Variants in GSTT2B observed in about 807,000 individuals in gnomAD.
GSTT2B encodes the protein glutathione S-transferase theta-2B.
GSTT2B carries 4 observed loss-of-function variants against 16.6 expected under a neutral mutation model. The ratio of observed to expected loss-of-function variants is 0.24; its 90% CI spans 0.12 to 0.55. GSTT2B has a LOEUF of 0.55. Ranked by LOEUF, GSTT2B falls within the 20% of genes least tolerant of loss-of-function variation. GSTT2B has a pLI of 0.94. For synonymous variants in GSTT2B, 9 were observed against 110.9 expected (o/e 0.08, Z 5.77); for missense variants, 27 against 266.1 (o/e 0.10, Z 6.25).
intron 1 of GSTT2B, 40 bp from the exon 2 acceptor site, chr22:23,960,421 A>G (rs1202840928): frequency 1.3e-6 from 2 of 1,560,632 alleles, no homozygotes; most frequent in Non-Finnish European, 1.8e-6. Flanking sequence ...CAGAATAAAA[A>G]CGCTGCACCT....
chr22:23,960,224 C>G (rs1177572031), intron 2 of GSTT2B, 70 bp downstream of exon 2: 1 of 1,575,452 alleles, frequency 6.3e-7, no homozygotes, highest in Non-Finnish European at 8.7e-7. Flanking sequence ...CCACTGGGGC[C>G]CGGGGCCAGT....
chr22:23,959,993 A>G (rs1365434208), intron 2 of GSTT2B, among the ~76,000 whole-genome samples: 2 of 133,446 alleles, frequency 1.5e-5, no homozygotes, highest in Non-Finnish European at 3.3e-5. Context: ...CCTCCAGAGT[A>G]GCTGGGACTA....
At chr22:23,960,081 G>A (rs2033821373) in intron 2 of GSTT2B, among the ~76,000 whole-genome samples, 2 of 149,222 alleles carry the variant, frequency 1.3e-5, no homozygotes, top group South Asian at 2.2e-4. Context: ...TAGCCAGGAT[G>A]GTCTCGGTCT....
chr22:23,960,351 A>T lies in GSTT2B; in HGVS notation c.143T>A (p.Ile48Asn). The change falls in exon 2 of 5, where the codon ATC (isoleucine) becomes AAC (asparagine). Residue 48 changes from isoleucine (I) to asparagine (N), a missense_variant. By Grantham distance (149) the Ile-to-Asn change is moderately radical. Transcript: ENST00000290765. ...GQHKSKEFLQ[I>N]NSLGKLPTLK... is the part of the protein sequence containing the mutation. The stretch of plus-strand genomic sequence containing the variant: ...CGTCGGCAGTTTCCCCAGGCTGTTG[A>T]TCTGCAAGAACTCCTTGCTCTTGTG... 6.2e-7 allele frequency: 1 copy of T among 1,611,818 alleles called. No homozygotes were observed. Among genetic ancestry groups the T allele is most frequent in the Non-Finnish European group, 8.5e-7 (1 of 1,178,818 alleles).
chr22:23,959,650 T>A (rs1382262478), intron 2 of GSTT2B, among the ~76,000 whole-genome samples: 2 of 101,678 alleles, frequency 2.0e-5, no homozygotes, highest in Admixed American at 1.0e-4. Context: ...CTATCTCTGC[T>A]CATTGCAAGC....
intron 2 of GSTT2B, among the ~76,000 whole-genome samples, chr22:23,960,020 C>T (rs532132358): frequency 2.1e-5 from 3 of 141,680 alleles, no homozygotes; most frequent in East Asian, 2.1e-4. Flanking sequence ...CCCGCCACCA[C>T]GCCCGGTTAA....
chr22:23,959,813 G>A (rs1409243351), intron 2 of GSTT2B, among the ~76,000 whole-genome samples: 3 of 93,260 alleles, frequency 3.2e-5, no homozygotes, highest in African/African-American at 7.0e-5. Context: ...TCCTGACCTC[G>A]TGATCCGCCC....
intron 2 of GSTT2B, 28 bp downstream of exon 2, chr22:23,960,266 G>A (rs1210893075): frequency 6.2e-7 from 1 of 1,611,322 alleles, no homozygotes; most frequent in Non-Finnish European, 8.5e-7. Context: ...GGCTCCGGAT[G>A]CGGTGAGGGG....
chr22:23,960,156 C>G lies in GSTT2B; in HGVS notation c.200+138G>C, dbSNP rs1322075127. ...CCGGGATGACAGGCGTGAGCCACCG[C>G]GCCCGGCCAGATCCCTCGCCTTTCC... On this transcript the variant is annotated intron_variant, in intron 2 of 4. Coordinates refer to ENST00000290765, the MANE Select transcript of GSTT2B (RefSeq NM_001080843.4). The G allele has an allele frequency of 2.9e-5, 27 of 926,520 alleles. No homozygotes were observed. In the African/African-American group the frequency reaches 3.3e-4, roughly 11 times the overall value. 57.4% of individuals were successfully genotyped at this position (926,520 alleles called of 1,614,324 possible).
intron 2 of GSTT2B, among the ~76,000 whole-genome samples, 183 bp downstream of exon 2, chr22:23,960,111 C>T (rs1392911159): frequency 1.4e-4 from 21 of 149,238 alleles, no homozygotes; most frequent in Admixed American, 6.7e-4. Flanking sequence ...GTGATCCGCC[C>T]GCCTTGGCCT....
Position 23,960,274 on chromosome 22 carries a change from G to T in GSTT2B, c.200+20C>A. On this transcript the variant is annotated intron_variant, in intron 2 of 4. Coordinates refer to ENST00000290765, the MANE Select transcript of GSTT2B (RefSeq NM_001080843.4). ...TCACATGGGCTCCGGATGCGGTGAG[G>T]GGTGAGGGAAGGAGGGCACCTTTCG... The T allele has an allele frequency of 6.2e-7, 1 of 1,612,242 alleles. No individual in the cohort carries two copies. The highest frequency in any genetic ancestry group is 8.5e-7 in the Non-Finnish European group (1 of 1,178,586).
chr22:23,959,778 C>T (rs1367652958), intron 2 of GSTT2B, among the ~76,000 whole-genome samples: 1 of 94,726 alleles, frequency 1.1e-5, no homozygotes, highest in Non-Finnish European at 2.4e-5. Flanking sequence ...AGGGTTTCAC[C>T]GTGTTACCCA....
chr22:23,959,995 C>T (rs1357554236), intron 2 of GSTT2B, among the ~76,000 whole-genome samples: 3 of 134,474 alleles, frequency 2.2e-5, no homozygotes, highest in South Asian at 2.7e-4. Context: ...TCCAGAGTAG[C>T]TGGGACTACA....
rs1230661101 is a variant in GSTT2B, at chr22:23,960,276, G to T, written c.200+18C>A. 6.2e-7 allele frequency: 1 copy of T among 1,612,472 alleles called. No homozygotes were observed. Among genetic ancestry groups the T allele is most frequent in the South Asian group, 1.1e-5 (1 of 91,016 alleles). On this transcript the variant is annotated intron_variant, in intron 2 of 4. Coordinates refer to ENST00000290765, the MANE Select transcript of GSTT2B (RefSeq NM_001080843.4). ...ACATGGGCTCCGGATGCGGTGAGGG[G>T]TGAGGGAAGGAGGGCACCTTTCGGT... is the stretch of plus-strand genomic sequence containing the variant.
At chr22:23,960,240 G>C (rs1179761213) in intron 2 of GSTT2B, 54 bp downstream of exon 2, 5 of 1,601,332 alleles carry the variant, frequency 3.1e-6, no homozygotes, top group African/African-American at 1.3e-5. Context: ...CCAGTGGGGA[G>C]AGCCAAGGTC....
At chr22:23,959,703 C>G (rs1183001390) in intron 2 of GSTT2B, among the ~76,000 whole-genome samples, 46 of 97,296 alleles carry the variant, frequency 4.7e-4, no homozygotes, top group Middle Eastern at 6.3e-3. Flanking sequence ...TCAGCCTCCC[C>G]AGTAGCTGGG....
At position 23,960,340 on chromosome 22, in the gene GSTT2B, C is replaced by G; in HGVS notation, c.154G>C (p.Gly52Arg). Residue 52 changes from glycine (G) to arginine (R), a missense_variant, in exon 2 of 5, where the codon GGG (glycine) becomes CGG (arginine). By Grantham distance (125) the Gly-to-Arg change is moderately radical. Coordinates refer to ENST00000290765, the MANE Select transcript of GSTT2B (RefSeq NM_001080843.4). ...SKEFLQINSL[G>R]KLPTLKDGDF... ...CCATCCTTGAGCGTCGGCAGTTTCC[C>G]CAGGCTGTTGATCTGCAAGAACTCC... 6.2e-7 allele frequency: 1 copy of G among 1,612,256 alleles called. No homozygotes were observed. Among genetic ancestry groups the G allele is most frequent in the South Asian group, 1.1e-5 (1 of 90,984 alleles).
At chr22:23,960,084 C>T (rs2033821440) in intron 2 of GSTT2B, among the ~76,000 whole-genome samples, 1 of 149,352 alleles carries the variant, frequency 6.7e-6, no homozygotes, top group African/African-American at 2.4e-5. Context: ...CCAGGATGGT[C>T]TCGGTCTCCT....
At chr22:23,959,653 T>C (rs1313747191) in intron 2 of GSTT2B, among the ~76,000 whole-genome samples, 5 of 101,568 alleles carry the variant, frequency 4.9e-5, no homozygotes, top group East Asian at 2.8e-4. Flanking sequence ...TCTCTGCTCA[T>C]TGCAAGCTCC....
Sources: gnomAD v4.1 joint callset for allele counts (sites outside exome capture counted in the v4.1 genomes callset) on GRCh38, gnomAD v4.1.1 for gene constraint, MANE v1.5 for transcripts, NCBI Gene and HGNC (gene_info 2026-07-23, HGNC 2026-07-21) for gene names.